The following PI4KB variants were observed in gnomAD, a reference collection of about 807,000 sequenced individuals.
PI4KB encodes phosphatidylinositol 4-kinase beta, also known as PtdIns 4-kinase beta.
A neutral mutation model predicts 81.4 loss-of-function variants in PI4KB; 23 were observed. The ratio of observed to expected loss-of-function variants is 0.28; its 90% CI spans 0.20 to 0.40. The LOEUF is 0.40. PI4KB is among the 10% of genes least tolerant of loss of function. The pLI is 1.00. For synonymous variants in PI4KB, 381 were observed against 406.8 expected (o/e 0.94, Z 0.76); for missense variants, 651 against 1,036.6 (o/e 0.63, Z 5.11).
chr1:151,303,528 G>A lies in PI4KB; in HGVS notation c.1520+13C>T, dbSNP rs759417685. ...AGGGATGAAAAATGAGGGGCAATGT[G>A]ATCTGGCCATACCGGATGTCCCCTG... On this transcript the variant is annotated intron_variant, in intron 6 of 11. Coordinates refer to ENST00000368873, the MANE Select transcript of PI4KB (RefSeq NM_001369623.2). 1.3e-6 allele frequency: 2 copies of A among 1,515,602 alleles called. No individual in the cohort carries two copies. Among genetic ancestry groups the A allele is most frequent in the South Asian group, 2.2e-5 (2 of 89,130 alleles). 93.9% of individuals were successfully genotyped at this position (1,515,602 alleles called of 1,614,324 possible). A position where few individuals can be genotyped will look rare whatever the true frequency, so the allele number is the denominator to read the frequency against.
intron 1 of PI4KB, chr1:151,324,781 A>G: frequency 2.0e-6 from 2 of 985,258 alleles, no homozygotes; most frequent in Non-Finnish European, 2.4e-6. Context: ...GCGAGTCCCA[A>G]ATACACTTGG....
chr1:151,315,451 T>C, intron 2 of PI4KB, 122 bp downstream of exon 2: 1 of 725,422 alleles, frequency 1.4e-6, no homozygotes, highest in South Asian at 1.6e-5. Context: ...TCCATGCTTT[T>C]ATCAGTGAAA....
chr1:151,313,045 C>CGGGT (rs1647351610), intron 2 of PI4KB, among the ~76,000 whole-genome samples: 1 of 150,978 alleles, frequency 6.6e-6, no homozygotes, highest in African/African-American at 2.5e-5. Context: ...GACAGACAGA[C>CGGGT]GGGTGGGCGG....
intron 2 of PI4KB, among the ~76,000 whole-genome samples, chr1:151,310,734 G>A (rs1696151878): frequency 6.6e-6 from 1 of 152,036 alleles, no homozygotes; most frequent in Non-Finnish European, 1.5e-5. Context: ...CCAGCTTTTT[G>A]GAAACCTCAG....
intron 3 of PI4KB, among the ~76,000 whole-genome samples, chr1:151,308,213 C>T (rs587614524): frequency 1.3e-4 from 20 of 152,320 alleles, no homozygotes; most frequent in African/African-American, 4.8e-4. Context: ...TCCTTCTCCC[C>T]ATCTGGATCC....
At position 151,294,516 on chromosome 1, in the gene PI4KB, C is replaced by T; in HGVS notation, c.2041G>A (p.Ala681Thr). 1.2e-6 allele frequency: 2 copies of T among 1,614,028 alleles called. No individual in the cohort carries two copies. Among genetic ancestry groups the T allele is most frequent in the Non-Finnish European group, 1.7e-6 (2 of 1,179,936 alleles). ...TCGATGTGGATGATGTGGCCTTCTG[C>T]GTCCAAAAGGATATTCCCATTGTGT... ...DRHNGNILLD[A>T]EGHIIHIDFG... Residue 681 changes from alanine to threonine, a missense_variant, in exon 10 of 12, where the codon GCA (alanine) becomes ACA (threonine). Ala to Thr is a moderately conservative substitution (Grantham distance 58). Around this residue, in one of 5 missense-constraint regions of PI4KB, gnomAD observed 19 missense variants for 77.8 expected, o/e 0.24. Coordinates refer to ENST00000368873, the MANE Select transcript of PI4KB (RefSeq NM_001369623.2).
chr1:151,321,902 G>A (rs971225927), intron 1 of PI4KB, among the ~76,000 whole-genome samples: 6 of 150,864 alleles, frequency 4.0e-5, no homozygotes, highest in Non-Finnish European at 5.9e-5. Context: ...AGCCTTTGAG[G>A]GTAACTGTTC....
At chr1:151,312,178 T>G (rs1647240358) in intron 2 of PI4KB, among the ~76,000 whole-genome samples, 1 of 152,166 alleles carries the variant, frequency 6.6e-6, no homozygotes, top group African/African-American at 2.4e-5. Flanking sequence ...GAGAACACTG[T>G]GAGAGCTGAG....
intron 1 of PI4KB, among the ~76,000 whole-genome samples, chr1:151,324,467 CCAGG>C (rs1055425461): frequency 3.9e-5 from 6 of 152,124 alleles, no homozygotes; most frequent in Non-Finnish European, 5.9e-5. Flanking sequence ...AAACTCAGGG[CCAGG>C]CAGTCAAGCC....
At chr1:151,321,872 TAA>T (rs35519740) in intron 1 of PI4KB, among the ~76,000 whole-genome samples, 47 of 73,768 alleles carry the variant, frequency 6.4e-4, no homozygotes, top group Non-Finnish European at 8.6e-4. Flanking sequence ...GACTCTGTCT[TAA>T]AAAAAAAAAA....
intron 9 of PI4KB, among the ~76,000 whole-genome samples, chr1:151,296,474 CT>C (rs112982041): frequency 0.058 from 8,306 of 143,042 alleles, 614 homozygotes; most frequent in African/African-American, 0.18. Flanking sequence ...TGCTAGATTT[CT>C]TTTTTTTTTT....
rs1343452484 is a variant in PI4KB at position 151,292,985 on chromosome 1, T to C, written c.2318A>G (p.Lys773Arg). 1 of 1,614,104 alleles carries C rather than the reference T, an allele frequency of 6.2e-7. No individual in the cohort carries two copies. The highest frequency in any genetic ancestry group is 1.1e-5 in the South Asian group (1 of 91,076). Residue 773 changes from lysine to arginine, a missense_variant, in exon 12 of 12, where the codon AAA becomes AGA. This residue lies in a region of PI4KB where 70 missense variants were observed against 108.1 expected (regional missense o/e 0.65). Transcript: ENST00000368873. ...FHGSSTIRNLKERFHMSMTEE... is the reference protein window; with the variant it reads ...FHGSSTIRNLRERFHMSMTEE... ...AGTCATGCTCATGTGGAACCTCTCT[T>C]TGAGGTTTCGAATGGTGCTGGAGCC...
intron 4 of PI4KB, among the ~76,000 whole-genome samples, chr1:151,307,122 C>A (rs891222279): frequency 1.3e-5 from 2 of 152,066 alleles, no homozygotes; most frequent in Admixed American, 6.5e-5. Context: ...CCAGTCAGCA[C>A]ACAAATTCAG....
chr1:151,293,358 A>G, intron 11 of PI4KB: 1 of 1,340,318 alleles, frequency 7.5e-7, no homozygotes, highest in South Asian at 1.3e-5. Flanking sequence ...CTGGGCACTT[A>G]TCTGGTTGCA....
intron 9 of PI4KB, chr1:151,298,585 A>G (rs1279242126): frequency 1.5e-5 from 9 of 588,350 alleles, no homozygotes; most frequent in African/African-American, 3.7e-5. Context: ...TCAAACCCTT[A>G]GTCCTCCCAT....
At chr1:151,294,220 C>G in intron 10 of PI4KB, 82 bp from the exon 11 acceptor site, 1 of 1,539,434 alleles carries the variant, frequency 6.5e-7, no homozygotes, top group African/African-American at 1.4e-5. Flanking sequence ...ACCAGAACTC[C>G]TCCTCCTCTT....
At chr1:151,327,667 G>A (rs1649858061), upstream of PI4KB, 1 of 342,780 alleles carries the variant, frequency 2.9e-6, no homozygotes, top group African/African-American at 2.1e-5. Flanking sequence ...TAAGGAGTCG[G>A]GTGAGCTGCC....
At chr1:151,322,150 C>G (rs1557816095) in intron 1 of PI4KB, among the ~76,000 whole-genome samples, 1 of 152,060 alleles carries the variant, frequency 6.6e-6, no homozygotes, top group Non-Finnish European at 1.5e-5. Context: ...TGGAAGAGGC[C>G]TCCCCTGTTC....
chr1:151,293,183 G>C (rs1250862234), intron 11 of PI4KB, 150 bp from the exon 12 acceptor site: 2 of 1,472,940 alleles, frequency 1.4e-6, no homozygotes, highest in Non-Finnish European at 1.8e-6. Context: ...CTTGGGCAGA[G>C]AGAAGGAACC....
Sources: gnomAD v4.1 joint callset for allele counts (sites outside exome capture counted in the v4.1 genomes callset) on GRCh38, gnomAD v4.1.1 for gene constraint, gnomAD v4.1.1 regional missense constraint, MANE v1.5 for transcripts, NCBI Gene and HGNC (gene_info 2026-07-23, HGNC 2026-07-21) for gene names.